BICDL2: variants seen among roughly 807,000 people sequenced by gnomAD.
The protein encoded by BICDL2 is BICD family like cargo adaptor 2.
In BICDL2, 62 loss-of-function variants were observed where a neutral mutation model predicts 56.6. That is an observed-to-expected ratio of 1.10 (90% confidence interval 0.89 to 1.35). The LOEUF is 1.35. BICDL2 is among the 40% of genes most tolerant of loss of function. BICDL2 has a pLI of 0.00. For missense variants in BICDL2, 808 were observed against 684.5 expected, an observed-to-expected ratio of 1.18 and a Z score of -2.01; for synonymous variants, 358 against 319.8, an observed-to-expected ratio of 1.12 and a Z score of -1.27.
intron 2 of BICDL2, chr16:3,031,761 G>A: frequency 2.6e-6 from 1 of 385,086 alleles, no homozygotes; most frequent in Non-Finnish European, 4.6e-6. Context: ...AATTGCCACA[G>A]CTGCTGCAGC....
In BICDL2 at chr16:3,035,459, G is replaced by A. The variant is rs1198022752; in HGVS notation, c.38C>T (p.Pro13Leu). ...GCTGGGAGAGGCGCCCCCTGAGAGC[G>A]GCCCGGACGGGAAGCTGGGCCCATC... ...SPDGPSFPSG[P>L]LSGGASPSGD... The change falls in exon 2 of 10, where the codon CCG becomes CTG. Residue 13 changes from proline (P) to leucine (L), a missense_variant. Coordinates refer to ENST00000572449, the MANE Select transcript of BICDL2 (RefSeq NM_001369667.1). The A allele has an allele frequency of 5.6e-6, 9 of 1,611,714 alleles. No homozygotes were observed. Among genetic ancestry groups the A allele is most frequent in the South Asian group, 1.1e-5 (1 of 91,048 alleles).
chr16:3,036,763 G>A (rs751434255), intron 1 of BICDL2, 131 bp downstream of exon 1: 3 of 364,814 alleles, frequency 8.2e-6, no homozygotes, highest in South Asian at 5.7e-5. Context: ...TCCTGCCGGC[G>A]CCCCCGGTTC....
intron 2 of BICDL2, 39 bp downstream of exon 2, chr16:3,035,176 T>TTGGGCGGGGGGGGGGGGGGGG: frequency 7.3e-6 from 1 of 136,274 alleles, no homozygotes; most frequent in Non-Finnish European, 1.4e-5. Flanking sequence ...CGTCCTCCCC[T>TTGGGCGGGGGGGGGGGGGGGG]GCCCACCCAC....
intron 6 of BICDL2, 51 bp from the exon 7 acceptor site, chr16:3,029,480 G>A: frequency 1.3e-6 from 2 of 1,582,632 alleles, no homozygotes; most frequent in Non-Finnish European, 1.7e-6. Flanking sequence ...GGGGAAAGGA[G>A]GAAAGGCGGA....
At position 3,028,817 on chromosome 16, in the gene BICDL2, T is replaced by G; in HGVS notation, c.1121A>C (p.Gln374Pro). The G allele has an allele frequency of 6.4e-7, 1 of 1,551,040 alleles. No individual in the cohort carries two copies. Among genetic ancestry groups the G allele is most frequent in the Non-Finnish European group, 8.7e-7 (1 of 1,150,164 alleles). ...AKLQDEISLQ[Q>P]AELQSLREEL... ...TTCCCGCAGGGACTGCAGCTCTGCC[T>G]GCTGCAGCGAGATCTGTGAGCAGAG... Residue 374 changes from glutamine to proline, a missense_variant, in exon 8 of 10, where the codon CAG (glutamine) becomes CCG (proline). By Grantham distance (76) the Gln-to-Pro change is moderately conservative. Transcript: ENST00000572449.
At position 3,029,528 on chromosome 16, in the gene BICDL2, G is replaced by T; in HGVS notation, c.957+17C>A. ...CTCGATGGCACAGGTAAGGGGGCTG[G>T]GGCCCCACGAGCTCACCGGGGTGTC... On this transcript the variant is annotated intron_variant, in intron 6 of 9. Transcript: ENST00000572449. 1 of 1,556,848 alleles carries T rather than the reference G, an allele frequency of 6.4e-7. No homozygotes were observed. The highest frequency in any genetic ancestry group is 2.3e-5 in the East Asian group (1 of 42,768).
At position 3,028,268 on chromosome 16, in the gene BICDL2, G is replaced by A. The variant is rs1234343851; in HGVS notation, c.1365C>T (p.Asp455=). The A allele has an allele frequency of 2.7e-6, 4 of 1,489,332 alleles. No individual in the cohort carries two copies. The highest frequency in any genetic ancestry group is 3.5e-6 in the Non-Finnish European group (4 of 1,132,918). The allele number at this position is 1,489,332 out of a possible 1,614,324, so 92.3% of individuals were successfully genotyped here. The change falls in exon 10 of 10, where the codon GAC becomes GAT. Residue 455 remains aspartate, a synonymous_variant. Transcript: ENST00000572449. ...GCTGCTGCCCGATCACCACCTGCAT[G>A]TCGTCCTGCGGGAGGCCGTGGTCGG... ...LTQELEAWQD[D]MQVVIGQQLR...
Position 3,028,104 on chromosome 16 carries a change from C to A in BICDL2, c.*2G>T. 4 of 1,423,232 alleles carry A rather than the reference C, an allele frequency of 2.8e-6. No individual in the cohort carries two copies. The South Asian group carries it at 6.2e-5, about 22-fold the overall frequency. 88.2% of individuals were successfully genotyped at this position (1,423,232 alleles called of 1,614,324 possible). A position where few individuals can be genotyped will look rare whatever the true frequency, so the allele number is the denominator to read the frequency against. The stretch of plus-strand genomic sequence containing the variant: ...GCAAGGGCAGCCCTCTGGGCCCAGC[C>A]GTCAGGTCCTTCGGAAGAGGTTACT... On this transcript the variant is annotated 3_prime_UTR_variant, in exon 10 of 10. Coordinates refer to ENST00000572449, the MANE Select transcript of BICDL2 (RefSeq NM_001369667.1).
At chr16:3,034,057 G>A (rs1379079743) in intron 2 of BICDL2, among the ~76,000 whole-genome samples, 1 of 152,112 alleles carries the variant, frequency 6.6e-6, no homozygotes, top group Non-Finnish European at 1.5e-5. Flanking sequence ...GCAAGAAGTG[G>A]GCCAAAAATA....
At chr16:3,030,172 G>C in intron 5 of BICDL2, 1 of 505,102 alleles carries the variant, frequency 2.0e-6, no homozygotes. Context: ...CGTCTCCATT[G>C]CGCAGCCGTG....
At position 3,028,346 on chromosome 16, in the gene BICDL2, A is replaced by T. The variant is rs1394438618; in HGVS notation, c.1359+2T>A. The T allele has an allele frequency of 6.5e-6, 10 of 1,548,532 alleles. No individual in the cohort carries two copies. Among genetic ancestry groups the T allele is most frequent in the Non-Finnish European group, 8.7e-6 (10 of 1,155,124 alleles). On this transcript the variant is annotated splice_donor_variant, in intron 9 of 9. Transcript: ENST00000572449. LOFTEE classifies it high-confidence loss of function. ...GCCCCGCACACGGGCCCCGCCCCTC[A>T]CCTGCCAGGCCTCCAGCTCCTGCGT...
At position 3,031,208 on chromosome 16, in the gene BICDL2, C is replaced by CACAGAGAG. The variant is rs1955650200; in HGVS notation, c.283-66_283-59dup. 5.5e-6 allele frequency: 8 copies of CACAGAGAG among 1,444,866 alleles called. No homozygotes were observed. The South Asian group carries it at 9.9e-5, about 18-fold the overall frequency. The allele number at this position is 1,444,866 out of a possible 1,614,324, so 89.5% of individuals were successfully genotyped here. A position where few individuals can be genotyped will look rare whatever the true frequency, so the allele number is the denominator to read the frequency against. On this transcript the variant is annotated intron_variant, in intron 2 of 9. Transcript: ENST00000572449. ...AGAGGCACCGATGAGACTGGGCAGG[C>CACAGAGAG]ACAGAGAGATGGCGATGGAGGGACA... is the stretch of plus-strand genomic sequence containing the variant.
intron 1 of BICDL2, chr16:3,036,217 C>T: frequency 2.2e-6 from 1 of 453,270 alleles, no homozygotes; most frequent in Non-Finnish European, 4.4e-6. Flanking sequence ...AGCCCTGACC[C>T]TCAGCCCCCC....
rs536267831 is a variant in BICDL2, at chr16:3,030,979, C to T, written c.454G>A (p.Glu152Lys). 30 of 1,553,176 alleles carry T rather than the reference C, an allele frequency of 1.9e-5. No homozygotes were observed. In the African/African-American group the frequency reaches 3.0e-4, roughly 15 times the overall value. Residue 152 changes from glutamate to lysine, a missense_variant, in exon 3 of 10, where the codon GAG (glutamate) becomes AAG (lysine). Transcript: ENST00000572449. ...SGRERARALS[E>K]LSEQNLRLSQ... Reference sequence around the variant, plus strand: ...AGCCGGAGGTTCTGCTCGCTGAGCTCGCTGAGGGCCCGTGCCCGTTCTCGC... The same window carrying T: ...AGCCGGAGGTTCTGCTCGCTGAGCTTGCTGAGGGCCCGTGCCCGTTCTCGC...
chr16:3,030,035 C>A, intron 5 of BICDL2: 1 of 495,390 alleles, frequency 2.0e-6, no homozygotes, highest in South Asian at 3.1e-5. Flanking sequence ...GCTACTGAGG[C>A]TGCTTGTCCC....
rs1955642364 is a variant in BICDL2, at chr16:3,030,804, C to G, written c.507G>C (p.Gln169His). 1 of 1,607,334 alleles carries G rather than the reference C, an allele frequency of 6.2e-7. No homozygotes were observed. Among genetic ancestry groups the G allele is most frequent in the South Asian group, 1.1e-5 (1 of 90,154 alleles). The part of the protein sequence containing the change: ...RLSQQLAQAS[Q>H]TEQELQRELD... ...GTTCCCTCTGAAGTTCCTGCTCAGT[C>G]TGGGAGGCCTGGGGAGGTGGAAAGA... The change falls in exon 4 of 10, where the codon CAG becomes CAC. Residue 169 changes from glutamine (Q) to histidine (H), a missense_variant. By Grantham distance (24) the Gln-to-His change is conservative. Transcript: ENST00000572449.
At position 3,028,789 on chromosome 16, in the gene BICDL2, C is replaced by T. The variant is rs1955601462; in HGVS notation, c.1149G>A (p.Glu383=). The change falls in exon 8 of 10, where the codon GAG becomes GAA. Residue 383 remains glutamate, a synonymous_variant. Coordinates refer to ENST00000572449, the MANE Select transcript of BICDL2 (RefSeq NM_001369667.1). ...CCCGCAGCTCCTTCTGCCTCTGCAG[C>T]TCTTCCCGCAGGGACTGCAGCTCTG... ...QQAELQSLRE[E]LQRQKELRAQ... The T allele has an allele frequency of 6.4e-7, 1 of 1,557,044 alleles. No individual in the cohort carries two copies. Among genetic ancestry groups the T allele is most frequent in the Non-Finnish European group, 8.7e-7 (1 of 1,151,074 alleles).
At chr16:3,030,038 C>A (rs1955629530) in intron 5 of BICDL2, 4 of 492,372 alleles carry the variant, frequency 8.1e-6, no homozygotes, top group South Asian at 3.1e-5. Flanking sequence ...ACTGAGGCTG[C>A]TTGTCCCACA....
At chr16:3,035,107 C>G (rs1029634642) in intron 2 of BICDL2, 108 bp downstream of exon 2, 7 of 1,176,664 alleles carry the variant, frequency 5.9e-6, no homozygotes, top group Non-Finnish European at 7.0e-6. Context: ...GGCTGTCCTC[C>G]CCAGCTCCTC....
Sources: gnomAD v4.1 joint callset for allele counts (sites outside exome capture counted in the v4.1 genomes callset) on GRCh38, gnomAD v4.1.1 for gene constraint, MANE v1.5 for transcripts, NCBI Gene and HGNC (gene_info 2026-07-23, HGNC 2026-07-21) for gene names.